The following APOD variants were observed in gnomAD, a reference collection of about 807,000 sequenced individuals.
The protein encoded by APOD is apo-D.
APOD carries 22 observed loss-of-function variants against 20.4 expected under a neutral mutation model. That is an observed-to-expected ratio of 1.08 (90% CI 0.77 to 1.54). The LOEUF is 1.54. Among genes scored for constraint, APOD ranks in the 40% most tolerant of loss-of-function variants. The probability of loss-of-function intolerance (pLI) is 0.00; values close to 1 mark genes in which losing one functional copy is unlikely to be tolerated. For missense variants in APOD, 223 were observed against 229.6 expected, an observed-to-expected ratio of 0.97 and a Z score of 0.19; for synonymous variants, 97 against 92.4, an observed-to-expected ratio of 1.05 and a Z score of -0.29.
rs1720103318 is a variant in APOD, at chr3:195,568,832, G to GGC, written c.*67_*68insGC. ...TCGTGGTTGATTGGTTTGTCTTTATGGGGGGGGGGTAGGGGAAAGCGAAGC... is the reference window on the plus strand; with the variant it reads ...TCGTGGTTGATTGGTTTGTCTTTATGGCGGGGGGGGGTAGGGGAAAGCGAAGC... On this transcript the variant is annotated 3_prime_UTR_variant, in exon 5 of 5. Transcript: ENST00000343267. 2.7e-3 allele frequency: 2,348 copies of GGC among 879,274 alleles called. 6 individuals carry two copies. Among genetic ancestry groups the GGC allele is most frequent in the Admixed American group, 0.012 (524 of 42,098 alleles). The allele number at this position is 879,274 out of a possible 1,614,324, so 54.5% of individuals were successfully genotyped here.
chr3:195,574,772 A>T (rs1358116882), intron 2 of APOD, among the ~76,000 whole-genome samples: 2 of 152,212 alleles, frequency 1.3e-5, no homozygotes, highest in East Asian at 3.8e-4. Flanking sequence ...TGTGAGCATT[A>T]GTAGGGGGCT....
At chr3:195,569,157 C>A (rs1560457145) in intron 4 of APOD, 22 bp from the exon 5 acceptor site, 1 of 1,601,538 alleles carries the variant, frequency 6.2e-7, no homozygotes, top group Admixed American at 1.7e-5. Context: ...AGAGAGGCAG[C>A]ATTATTGGAG....
intron 2 of APOD, among the ~76,000 whole-genome samples, chr3:195,574,386 G>A (rs1234336481): frequency 1.3e-5 from 2 of 152,160 alleles, no homozygotes; most frequent in African/African-American, 4.8e-5. Flanking sequence ...CCCTGAGGAG[G>A]GATTTAGTCA....
intron 1 of APOD, among the ~76,000 whole-genome samples, chr3:195,582,896 G>A (rs1720365158): frequency 6.6e-6 from 1 of 150,796 alleles, no homozygotes; most frequent in African/African-American, 2.5e-5. Flanking sequence ...TCGCGCCACT[G>A]CACTCCAGCC....
intron 1 of APOD, among the ~76,000 whole-genome samples, chr3:195,582,245 G>A (rs1274535040): frequency 6.6e-6 from 1 of 151,996 alleles, no homozygotes; most frequent in Non-Finnish European, 1.5e-5. Context: ...TGAGAGAAAG[G>A]GCGGACAGCA....
chr3:195,582,076 T>C (rs9886983), intron 1 of APOD, among the ~76,000 whole-genome samples: 23,058 of 152,086 alleles, frequency 0.15, 2,087 homozygotes, highest in East Asian at 0.42. Context: ...ATTACATGCA[T>C]GCCTGTAATC....
intron 1 of APOD, 148 bp downstream of exon 1, chr3:195,583,730 G>T (rs919634329): frequency 1.3e-5 from 2 of 152,138 alleles, no homozygotes; most frequent in African/African-American, 4.8e-5. Flanking sequence ...TTTGTTTGAG[G>T]AAAAATGAGA....
At chr3:195,576,879 T>G (rs73067964) in intron 2 of APOD, among the ~76,000 whole-genome samples, 8,662 of 150,168 alleles carry the variant, frequency 0.058, 775 homozygotes, top group African/African-American at 0.19. Context: ...CAGATGAAAT[T>G]AAGAAAATTC....
At chr3:195,578,361 A>T (rs1304100437) in intron 2 of APOD, among the ~76,000 whole-genome samples, 1 of 151,902 alleles carries the variant, frequency 6.6e-6, no homozygotes, top group Non-Finnish European at 1.5e-5. Flanking sequence ...TCCTTCTCCC[A>T]CCCAGCGTCC....
chr3:195,569,750 G>GC (rs1720125279), intron 4 of APOD, among the ~76,000 whole-genome samples: 1 of 146,430 alleles, frequency 6.8e-6, no homozygotes, highest in South Asian at 2.1e-4. Context: ...ACACTCCCAG[G>GC]CTCTAGGCCT....
At chr3:195,569,700 G>T (rs1247037618) in intron 4 of APOD, among the ~76,000 whole-genome samples, 1 of 150,786 alleles carries the variant, frequency 6.6e-6, no homozygotes, top group African/African-American at 2.4e-5. Flanking sequence ...TTTTAATGTG[G>T]CATTCAAGGC....
Position 195,568,772 on chromosome 3 carries a change from A to C in APOD, c.*128T>G. The C allele has an allele frequency of 5.9e-6, 4 of 675,046 alleles. No individual in the cohort carries two copies. Among genetic ancestry groups the C allele is most frequent in the Middle Eastern group, 3.6e-4 (1 of 2,776 alleles). The allele number at this position is 675,046 out of a possible 1,614,324, so 41.8% of individuals were successfully genotyped here. A position where few individuals can be genotyped will look rare whatever the true frequency, so the allele number is the denominator to read the frequency against. On this transcript the variant is annotated 3_prime_UTR_variant, in exon 5 of 5. Coordinates refer to ENST00000343267, the MANE Select transcript of APOD (RefSeq NM_001647.4). ...TTTGCAGCTAGCAAGGTAACAGGGT[A>C]GGGCATGGTTACATGTTCAGGTCAA...
At chr3:195,569,806 T>G (rs1720128774) in intron 4 of APOD, among the ~76,000 whole-genome samples, 1 of 136,410 alleles carries the variant, frequency 7.3e-6, no homozygotes, top group East Asian at 2.0e-4. Flanking sequence ...TTTTTTTTTT[T>G]TTTTTTTTTT....
chr3:195,581,953 G>C (rs954147974), intron 1 of APOD, among the ~76,000 whole-genome samples: 3 of 152,144 alleles, frequency 2.0e-5, no homozygotes, highest in African/African-American at 7.2e-5. Flanking sequence ...TGGAGCACCT[G>C]AGGTTGGGAG....
chr3:195,572,783 G>T lies in APOD; in HGVS notation c.245+1067C>A, dbSNP rs188491411. ...TCCCAGCACTTTGGGAGGCCAAGGG[G>T]GGGCGGATCACAAGGTCAGGAGATC... On this transcript the variant is annotated intron_variant, in intron 3 of 4. Coordinates refer to ENST00000343267, the MANE Select transcript of APOD (RefSeq NM_001647.4). 6.0e-3 allele frequency among the ~76,000 whole-genome samples: 908 copies of T among 152,162 alleles called. 6 individuals are homozygous for T. The highest frequency in any genetic ancestry group is 0.01 in the Non-Finnish European group (697 of 67,994).
intron 1 of APOD, 81 bp from the exon 2 acceptor site, chr3:195,579,576 A>G (rs1720301322): frequency 6.8e-7 from 1 of 1,473,110 alleles, no homozygotes. Flanking sequence ...TGCTGTGCCC[A>G]TGGTCCCCTC....
At chr3:195,574,357 C>T (rs987429512) in intron 2 of APOD, among the ~76,000 whole-genome samples, 2 of 152,310 alleles carry the variant, frequency 1.3e-5, no homozygotes, top group East Asian at 3.9e-4. Context: ...CCAGAGCGCA[C>T]GGAACTTTCC....
intron 2 of APOD, 33 bp from the exon 3 acceptor site, chr3:195,574,004 G>A (rs1720210371): frequency 6.2e-7 from 1 of 1,608,968 alleles, no homozygotes; most frequent in Non-Finnish European, 8.5e-7. Context: ...AAAACCCTGT[G>A]GTTCTCTGGG....
intron 2 of APOD, chr3:195,577,170 A>T: frequency 2.8e-6 from 1 of 351,636 alleles, no homozygotes; most frequent in South Asian, 2.1e-5. Flanking sequence ...CTGGGTGACA[A>T]AGTGAGACTC....
Sources: allele counts gnomAD v4.1 joint callset (sites outside exome capture counted in the v4.1 genomes callset), GRCh38; gene constraint gnomAD v4.1.1; transcripts MANE v1.5; gene names NCBI Gene and HGNC (gene_info 2026-07-23, HGNC 2026-07-21).